Variants in MORN3 observed in about 807,000 individuals in gnomAD.
MORN3 encodes the protein MORN repeat containing 3.
MORN3 carries 38 observed loss-of-function variants against 34.7 expected under a neutral mutation model. That is an observed-to-expected ratio of 1.10 (90% CI 0.85 to 1.44). The LOEUF (loss-of-function observed/expected upper bound fraction) is 1.44, where lower values mean the gene tolerates loss of function less well. Among genes scored for constraint, MORN3 ranks in the 40% most tolerant of loss-of-function variants. MORN3 has a pLI of 0.00. For missense variants in MORN3, 311 were observed against 321.7 expected, an observed-to-expected ratio of 0.97 and a Z score of 0.25; for synonymous variants, 109 against 115.3, an observed-to-expected ratio of 0.95 and a Z score of 0.35.
intron 1 of MORN3, among the ~76,000 whole-genome samples, chr12:121,662,702 G>A (rs975679747): frequency 3.3e-5 from 5 of 150,002 alleles, no homozygotes; most frequent in Non-Finnish European, 5.9e-5. Context: ...GTAGTGAGCC[G>A]AGATCGCAAC....
Position 121,654,578 on chromosome 12 carries a change from G to A in MORN3, c.304-145C>T, listed in dbSNP as rs1284167402. 9.3e-6 allele frequency: 8 copies of A among 862,224 alleles called. No individual in the cohort carries two copies. In the East Asian group the frequency reaches 2.0e-4, roughly 22 times the overall value. The allele number at this position is 862,224 out of a possible 1,614,324, so 53.4% of individuals were successfully genotyped here. On this transcript the variant is annotated intron_variant, in intron 2 of 5. Coordinates refer to ENST00000355329, the MANE Select transcript of MORN3 (RefSeq NM_173855.5). The stretch of plus-strand genomic sequence containing the variant: ...CGTCCAAGCGGAGGGTCGTGTCTTA[G>A]CGGAGTATCCTGTCTTTTTTGTTTG...
rs1594218946 is a variant in MORN3 at position 121,652,712 on chromosome 12, T to G, written c.*6+16A>C. The G allele has an allele frequency of 1.2e-6, 2 of 1,613,212 alleles. No individual in the cohort carries two copies. Among genetic ancestry groups the G allele is most frequent in the Non-Finnish European group, 1.7e-6 (2 of 1,179,194 alleles). ...CTCAGCCACATCAGAACTTGGCAGG[T>G]GTGCCCACCCCTCACCTGGCATCAA... On this transcript the variant is annotated intron_variant, in intron 5 of 5. Transcript: ENST00000355329.
At chr12:121,662,724 GGC>G (rs1893620238) in intron 1 of MORN3, among the ~76,000 whole-genome samples, 2 of 151,774 alleles carry the variant, frequency 1.3e-5, no homozygotes, top group South Asian at 2.1e-4. Context: ...CTGCACTTCA[GGC>G]TGGGCAAGAG....
intron 1 of MORN3, 58 bp downstream of exon 1, chr12:121,669,281 C>T (rs1355070332): frequency 1.1e-5 from 17 of 1,602,082 alleles, no homozygotes; most frequent in Non-Finnish European, 1.4e-5. Flanking sequence ...CTTCCTGGCC[C>T]TGTTGCCCAC....
At chr12:121,672,343 C>G (rs548382717), upstream of MORN3, among the ~76,000 whole-genome samples, 1 of 152,104 alleles carries the variant, frequency 6.6e-6, no homozygotes, top group Non-Finnish European at 1.5e-5. Flanking sequence ...GCCTGTAGTC[C>G]CAGCTGCGCG....
intron 1 of MORN3, among the ~76,000 whole-genome samples, chr12:121,664,121 A>G (rs779583655): frequency 7.2e-5 from 11 of 152,122 alleles, no homozygotes; most frequent in Non-Finnish European, 1.5e-4. Flanking sequence ...AAGGGGAGGA[A>G]GCTGACTTAA....
rs1417236533 is a variant in MORN3, at chr12:121,654,354, C to A, written c.383G>T (p.Arg128Leu). The A allele has an allele frequency of 1.9e-6, 3 of 1,601,210 alleles. No individual in the cohort carries two copies. The highest frequency in any genetic ancestry group is 2.6e-6 in the Non-Finnish European group (3 of 1,174,576). The change falls in exon 3 of 6, where the codon CGC becomes CTC. Residue 128 changes from arginine (R) to leucine (L), a missense_variant. Arg to Leu is a moderately radical substitution (Grantham distance 102). Coordinates refer to ENST00000355329, the MANE Select transcript of MORN3 (RefSeq NM_173855.5). The stretch of plus-strand genomic sequence containing the variant: ...GATGTCGCCGTTGCTGTAATACATG[C>A]GGCCCCACCCGCTGCGCTGGCTGCC... ...WCGSQRSGWG[R>L]MYYSNGDIYE...
rs1012687442 is a variant in MORN3 at position 121,653,312 on chromosome 12, C to A, written c.464-53G>T. The A allele has an allele frequency of 5.8e-6, 9 of 1,562,508 alleles. No homozygotes were observed. The East Asian group carries it at 1.3e-4, about 23-fold the overall frequency. On this transcript the variant is annotated intron_variant, in intron 3 of 5. Transcript: ENST00000355329. ...GCAGGGTACACCAAACTAAGCTAGA[C>A]CCCCAGGGGTCGCTCTTCCAGAGCT...
At chr12:121,667,631 C>T (rs201896023) in intron 1 of MORN3, among the ~76,000 whole-genome samples, 1 of 152,200 alleles carries the variant, frequency 6.6e-6, no homozygotes, top group East Asian at 1.9e-4. Context: ...TTGAACACCC[C>T]AGGTATATTC....
intron 1 of MORN3, among the ~76,000 whole-genome samples, chr12:121,662,727 TGGG>T (rs1893620422): frequency 1.4e-5 from 2 of 143,638 alleles, no homozygotes; most frequent in South Asian, 2.5e-4. Flanking sequence ...CACTTCAGGC[TGGG>T]CAAGAGTGAG....
chr12:121,652,998 G>T lies in MORN3; in HGVS notation c.648+77C>A. The T allele has an allele frequency of 2.7e-6, 4 of 1,501,526 alleles. No homozygotes were observed. The Admixed American group carries it at 6.1e-5, about 23-fold the overall frequency. 93.0% of individuals were successfully genotyped at this position (1,501,526 alleles called of 1,614,324 possible). A position where few individuals can be genotyped will look rare whatever the true frequency, so the allele number is the denominator to read the frequency against. On this transcript the variant is annotated intron_variant, in intron 4 of 5. Transcript: ENST00000355329. ...GGGCTTGGCTGGGCCTGGCAGATCT[G>T]GCCTGGGCATGGCTGGGGATGCTGG...
intron 1 of MORN3, among the ~76,000 whole-genome samples, chr12:121,660,657 T>C (rs1196280822): frequency 2.9e-5 from 3 of 101,782 alleles, no homozygotes; most frequent in African/African-American, 4.1e-5. Context: ...CCTTTTTTTT[T>C]CTTTCTTTCT....
chr12:121,659,957 G>A (rs1023374731), intron 1 of MORN3, among the ~76,000 whole-genome samples: 1 of 151,762 alleles, frequency 6.6e-6, no homozygotes, highest in Non-Finnish European at 1.5e-5. Flanking sequence ...CTGGAGGCTG[G>A]GTGCAGTGGC....
Position 121,651,306 on chromosome 12 carries a change from A to T in MORN3, c.*345T>A, listed in dbSNP as rs1321045283. On this transcript the variant is annotated 3_prime_UTR_variant, in exon 6 of 6. Transcript: ENST00000355329. ...CAAGCTAAACCCAGGCAGCCCAGCC[A>T]AGGCAGGTCTTCCCTCTTCTAAACC... The T allele has an allele frequency of 6.6e-6, 1 of 152,202 alleles. No individual in the cohort carries two copies. The highest frequency in any genetic ancestry group is 1.5e-5 in the Non-Finnish European group (1 of 68,172). 9.4% of individuals were successfully genotyped at this position (152,202 alleles called of 1,614,324 possible).
Position 121,665,743 on chromosome 12 carries a change from C to T in MORN3, c.145+3596G>A, listed in dbSNP as rs148317583. On this transcript the variant is annotated intron_variant, in intron 1 of 5. Coordinates refer to ENST00000355329, the MANE Select transcript of MORN3 (RefSeq NM_173855.5). ...TCACACCATTGCACTCCAGCCTGGG[C>T]GACAGAATGAGACTCTGTCTCAAAA... 4.9e-3 allele frequency among the ~76,000 whole-genome samples: 609 copies of T among 123,460 alleles called. 14 individuals are homozygous for T. In the East Asian group the frequency reaches 0.079, roughly 16 times the overall value. 81.0% of individuals were successfully genotyped at this position (123,460 alleles called of 152,430 possible). A position where few individuals can be genotyped will look rare whatever the true frequency, so the allele number is the denominator to read the frequency against.
intron 2 of MORN3, among the ~76,000 whole-genome samples, chr12:121,658,968 C>T (rs536869130): frequency 6.6e-6 from 1 of 152,248 alleles, no homozygotes; most frequent in East Asian, 1.9e-4. Flanking sequence ...TCGTGGGCTC[C>T]TCCCTGGCCT....
chr12:121,669,663 G>C (rs902196912), upstream of MORN3: 128 of 822,862 alleles, frequency 1.6e-4, no homozygotes, highest in Non-Finnish European at 2.1e-4. Context: ...CTGACCTTTG[G>C]TTGGCCCCTC....
In MORN3 at chr12:121,654,444, G is replaced by C. The variant is rs782545882; in HGVS notation, c.304-11C>G. ...CTGGATCCCATAACCCTGAAAGTAC[G>C]AAGATGCTACTACTCAGGGCGCCCC... On this transcript the variant is annotated splice_polypyrimidine_tract_variant and intron_variant, in intron 2 of 5. Transcript: ENST00000355329. The C allele has an allele frequency of 1.3e-6, 2 of 1,576,512 alleles. No individual in the cohort carries two copies. The highest frequency in any genetic ancestry group is 1.2e-5 in the South Asian group (1 of 85,964).
intron 1 of MORN3, among the ~76,000 whole-genome samples, chr12:121,666,658 C>A (rs779402402): frequency 6.6e-6 from 1 of 152,032 alleles, no homozygotes; most frequent in African/African-American, 2.4e-5. Flanking sequence ...TTGTCCTAAG[C>A]CTTCCCTGAG....
Sources: allele counts gnomAD v4.1 joint callset (sites outside exome capture counted in the v4.1 genomes callset), GRCh38; gene constraint gnomAD v4.1.1; transcripts MANE v1.5; gene names NCBI Gene and HGNC (gene_info 2026-07-23, HGNC 2026-07-21).